ADCY10: variants seen among roughly 807,000 people sequenced by gnomAD.
ADCY10 encodes the protein adenylate cyclase type 10.
ADCY10 carries 156 observed loss-of-function variants against 183.3 expected under a neutral mutation model. The ratio of observed to expected loss-of-function variants is 0.85; its 90% CI spans 0.75 to 0.97. The LOEUF (loss-of-function observed/expected upper bound fraction) is 0.97. Among genes scored for constraint, ADCY10 ranks in the 50% least tolerant of loss-of-function variants. The probability of loss-of-function intolerance (pLI) is 0.00; values close to 1 mark genes in which losing one functional copy is unlikely to be tolerated. For synonymous variants in ADCY10, 645 were observed against 670.0 expected (o/e 0.96, Z 0.58); for missense variants, 1,745 against 1,934.3 (o/e 0.90, Z 1.84).
intron 31 of ADCY10, among the ~76,000 whole-genome samples, chr1:167,817,595 T>C (rs1213874418): frequency 1.3e-5 from 2 of 152,222 alleles, no homozygotes; most frequent in African/African-American, 4.8e-5. Flanking sequence ...ATATGCTTAA[T>C]ACATATTTGA....
At chr1:167,906,193 G>C (rs1669800066) in intron 1 of ADCY10, among the ~76,000 whole-genome samples, 2 of 151,664 alleles carry the variant, frequency 1.3e-5, no homozygotes, top group Non-Finnish European at 2.9e-5. Context: ...AAAAATATTT[G>C]TACATTTAAC....
chr1:167,819,657 G>T (rs1662759768), intron 30 of ADCY10, among the ~76,000 whole-genome samples: 1 of 152,030 alleles, frequency 6.6e-6, no homozygotes, highest in Non-Finnish European at 1.5e-5. Context: ...TCGCCTCCTG[G>T]GTTCAAACAA....
intron 31 of ADCY10, among the ~76,000 whole-genome samples, chr1:167,812,113 C>T (rs1662254627): frequency 6.6e-6 from 1 of 152,054 alleles, no homozygotes; most frequent in African/African-American, 2.4e-5. Flanking sequence ...CAAGGGTGGG[C>T]AAAAAGGACC....
In ADCY10 at chr1:167,837,338, G is replaced by T; in HGVS notation, c.3008-20C>A. ...CTTCAGCTAGAAAATAAACAAATGA[G>T]TTGTATGGGTCATTGAAATGTTCTC... is the stretch of plus-strand genomic sequence containing the variant. On this transcript the variant is annotated intron_variant, in intron 21 of 32. Transcript: ENST00000367851. The T allele has an allele frequency of 6.3e-7, 1 of 1,586,488 alleles. No individual in the cohort carries two copies. Among genetic ancestry groups the T allele is most frequent in the Non-Finnish European group, 8.7e-7 (1 of 1,154,874 alleles).
intron 12 of ADCY10, among the ~76,000 whole-genome samples, chr1:167,876,582 G>C (rs1667484244): frequency 6.6e-6 from 1 of 152,128 alleles, no homozygotes; most frequent in African/African-American, 2.4e-5. Context: ...TGAGTTTTCT[G>C]GGCAGGAACT....
chr1:167,881,255 CA>C (rs1183153431), intron 9 of ADCY10, among the ~76,000 whole-genome samples: 2 of 152,120 alleles, frequency 1.3e-5, no homozygotes, highest in African/African-American at 4.8e-5. Flanking sequence ...TAAAACTTGG[CA>C]TTTGTAGTAT....
At chr1:167,842,777 CAG>C (rs1443327332) in intron 21 of ADCY10, among the ~76,000 whole-genome samples, 1 of 152,014 alleles carries the variant, frequency 6.6e-6, no homozygotes, top group Non-Finnish European at 1.5e-5. Flanking sequence ...AGTGGTGTAA[CAG>C]AGTTAAATCC....
chr1:167,858,264 C>G (rs1427860602), intron 16 of ADCY10, among the ~76,000 whole-genome samples: 1 of 151,996 alleles, frequency 6.6e-6, no homozygotes, highest in Non-Finnish European at 1.5e-5. Context: ...CTTTGGGAGG[C>G]TGAGATGGGC....
intron 30 of ADCY10, chr1:167,820,140 A>C: frequency 5.8e-6 from 9 of 1,549,766 alleles, no homozygotes; most frequent in Non-Finnish European, 7.8e-6. Context: ...AGCTTTTTGG[A>C]TCCCTTAATT....
chr1:167,831,198 T>TC (rs2101895567), intron 25 of ADCY10, among the ~76,000 whole-genome samples: 1 of 109,758 alleles, frequency 9.1e-6, no homozygotes, highest in South Asian at 3.1e-4. Flanking sequence ...TCTCTCTCTC[T>TC]TTTTTTTTTG....
chr1:167,875,526 C>A (rs574819274), intron 12 of ADCY10, among the ~76,000 whole-genome samples: 1 of 152,344 alleles, frequency 6.6e-6, no homozygotes, highest in African/African-American at 2.4e-5. Context: ...AGTCACACAT[C>A]CTGCAAAGAT....
chr1:167,849,203 T>C (rs1665290446), intron 18 of ADCY10, among the ~76,000 whole-genome samples: 2 of 152,204 alleles, frequency 1.3e-5, no homozygotes, highest in Non-Finnish European at 2.9e-5. Context: ...TACATTTACA[T>C]ACCCACACTC....
chr1:167,895,670 A>G (rs958581839), intron 7 of ADCY10, among the ~76,000 whole-genome samples: 2 of 152,220 alleles, frequency 1.3e-5, no homozygotes, highest in Non-Finnish European at 2.9e-5. Context: ...AATTCAGGAC[A>G]AAAGACTGAA....
intron 32 of ADCY10, among the ~76,000 whole-genome samples, chr1:167,810,469 C>T (rs1432214133): frequency 6.6e-6 from 1 of 152,184 alleles, no homozygotes. Flanking sequence ...CTTTTTCCAT[C>T]CTTTTGACAT....
intron 31 of ADCY10, among the ~76,000 whole-genome samples, chr1:167,811,765 G>A (rs1341088857): frequency 6.6e-6 from 1 of 152,150 alleles, no homozygotes; most frequent in Non-Finnish European, 1.5e-5. Context: ...AACCTGAACT[G>A]TAATTGATGA....
chr1:167,899,328 A>C, intron 6 of ADCY10, 95 bp downstream of exon 6: 1 of 1,242,192 alleles, frequency 8.1e-7, no homozygotes, highest in Non-Finnish European at 1.2e-6. Flanking sequence ...CCAGCCCAGG[A>C]GCTTTATGAA....
intron 3 of ADCY10, 129 bp from the exon 4 acceptor site, chr1:167,902,183 G>C: frequency 2.1e-6 from 2 of 944,776 alleles, no homozygotes; most frequent in Non-Finnish European, 3.3e-6. Flanking sequence ...TTATACTAAA[G>C]ATCTCATCCC....
intron 21 of ADCY10, among the ~76,000 whole-genome samples, chr1:167,842,565 A>T (rs1385612570): frequency 4.0e-5 from 6 of 149,676 alleles, no homozygotes; most frequent in South Asian, 4.2e-4. Flanking sequence ...GATAGATTAA[A>T]GCAGGATATT....
chr1:167,839,985 T>G (rs1008038383), intron 21 of ADCY10, among the ~76,000 whole-genome samples: 32 of 151,542 alleles, frequency 2.1e-4, no homozygotes, highest in South Asian at 2.1e-3. Flanking sequence ...TTTGGGAGGC[T>G]GAGGTGGGAG....
Sources: gnomAD v4.1 joint callset for allele counts (sites outside exome capture counted in the v4.1 genomes callset) on GRCh38, gnomAD v4.1.1 for gene constraint, MANE v1.5 for transcripts, NCBI Gene and HGNC (gene_info 2026-07-23, HGNC 2026-07-21) for gene names.